Variants in FA2H observed in about 807,000 individuals in gnomAD.
FA2H encodes fatty acid 2-hydroxylase.
A neutral mutation model predicts 44.9 loss-of-function variants in FA2H; 22 were observed. That is an observed-to-expected ratio of 0.49 (90% CI 0.35 to 0.70). The LOEUF (loss-of-function observed/expected upper bound fraction) is 0.70, where lower values mean the gene tolerates loss of function less well. Among genes scored for constraint, FA2H ranks in the 30% least tolerant of loss-of-function variants. FA2H has a pLI of 0.01. For synonymous variants in FA2H, 243 were observed against 213.2 expected (o/e 1.14, Z -1.22); for missense variants, 501 against 504.9 (o/e 0.99, Z 0.07).
intron 5 of FA2H, 21 bp from the exon 6 acceptor site, chr16:74,716,620 G>A: frequency 1.3e-6 from 2 of 1,535,018 alleles, no homozygotes; most frequent in Non-Finnish European, 1.8e-6. Context: ...AGAGGCTTGG[G>A]CATCAGGAGG....
intron 1 of FA2H, among the ~76,000 whole-genome samples, chr16:74,763,040 C>T (rs1962741908): frequency 6.6e-6 from 1 of 152,176 alleles, no homozygotes; most frequent in Non-Finnish European, 1.5e-5. Context: ...AACACAGGAT[C>T]ATGGAAGCTG....
At chr16:74,764,753 T>G (rs189792293) in intron 1 of FA2H, among the ~76,000 whole-genome samples, 2 of 151,510 alleles carry the variant, frequency 1.3e-5, no homozygotes, top group Admixed American at 1.3e-4. Context: ...TAGGAGCAAT[T>G]AGAGAAGATT....
At position 74,726,179 on chromosome 16, in the gene FA2H, T is replaced by C. The variant is rs373472945; in HGVS notation, c.613+46A>G. ...GGCCAGGGAAAGCACTGAGGTCTCCTCCCTCTAGGATCCTCAGGGCAAGTC... is the reference window on the plus strand; with the variant it reads ...GGCCAGGGAAAGCACTGAGGTCTCCCCCCTCTAGGATCCTCAGGGCAAGTC... On this transcript the variant is annotated intron_variant, in intron 4 of 6. Coordinates refer to ENST00000219368, the MANE Select transcript of FA2H (RefSeq NM_024306.5). 3.0e-5 allele frequency: 40 copies of C among 1,331,784 alleles called. 1 individual carries two copies. The highest frequency in any genetic ancestry group is 1.8e-4 in the East Asian group (8 of 43,376). The allele number at this position is 1,331,784 out of a possible 1,614,324, so 82.5% of individuals were successfully genotyped here. A position where few individuals can be genotyped will look rare whatever the true frequency, so the allele number is the denominator to read the frequency against.
chr16:74,740,623 T>TAATAATAAC (rs1962276107), intron 1 of FA2H, among the ~76,000 whole-genome samples: 1 of 29,348 alleles, frequency 3.4e-5, no homozygotes, highest in South Asian at 1.4e-3. Flanking sequence ...CATCTCAAAA[T>TAATAATAAC]AATAATAATA....
At chr16:74,724,449 T>C (rs1961906821) in intron 4 of FA2H, among the ~76,000 whole-genome samples, 2 of 152,218 alleles carry the variant, frequency 1.3e-5, no homozygotes, top group African/African-American at 4.8e-5. Flanking sequence ...CATCTAGGAA[T>C]GTCAGCCTTG....
intron 6 of FA2H, 119 bp downstream of exon 6, chr16:74,716,228 C>T (rs1270015397): frequency 8.6e-7 from 1 of 1,158,532 alleles, no homozygotes; most frequent in Non-Finnish European, 1.2e-6. Context: ...GTAGAGGGAA[C>T]CCTCTGTATA....
At chr16:74,753,697 C>T (rs958875168) in intron 1 of FA2H, among the ~76,000 whole-genome samples, 3 of 152,020 alleles carry the variant, frequency 2.0e-5, no homozygotes, top group African/African-American at 7.3e-5. Flanking sequence ...ACCCCATAAG[C>T]ACTGCCTGCC....
chr16:74,754,989 T>G (rs530842097), intron 1 of FA2H, among the ~76,000 whole-genome samples: 1 of 151,970 alleles, frequency 6.6e-6, no homozygotes. Flanking sequence ...GAGGCAGAGA[T>G]GGAAGCGATA....
intron 2 of FA2H, among the ~76,000 whole-genome samples, chr16:74,733,831 C>T (rs1001002181): frequency 3.9e-5 from 6 of 152,306 alleles, no homozygotes; most frequent in South Asian, 4.1e-4. Flanking sequence ...CCCCGTCCCC[C>T]GCCTGCCCCC....
chr16:74,749,314 A>C (rs1224419638), intron 1 of FA2H, among the ~76,000 whole-genome samples: 2 of 152,202 alleles, frequency 1.3e-5, no homozygotes, highest in South Asian at 4.1e-4. Context: ...GTGGCCTAAG[A>C]AACCATATCT....
rs565757665 is a variant in FA2H at position 74,726,252 on chromosome 16, C to A, written c.586G>T (p.Val196Phe). ...SYYRTFAQGN[V>F]RLFTSFTTEY... ...GTTGTAAATGACGTGAAGAGTCGGA[C>A]GTTGCCCTGGGCAAAGGTTCGGTAG... is the stretch of plus-strand genomic sequence containing the variant. The change falls in exon 4 of 7, where the codon GTC (valine) becomes TTC (phenylalanine). Residue 196 changes from valine to phenylalanine, a missense_variant. Physicochemically the swap from Val to Phe is conservative, Grantham distance 50. Coordinates refer to ENST00000219368, the MANE Select transcript of FA2H (RefSeq NM_024306.5). 1 of 1,613,838 alleles carries A rather than the reference C, an allele frequency of 6.2e-7. No homozygotes were observed. Among genetic ancestry groups the A allele is most frequent in the Admixed American group, 1.7e-5 (1 of 60,022 alleles).
intron 4 of FA2H, among the ~76,000 whole-genome samples, chr16:74,722,072 C>T (rs1225588537): frequency 6.6e-6 from 1 of 152,200 alleles, no homozygotes; most frequent in African/African-American, 2.4e-5. Flanking sequence ...GCCAGGCTCC[C>T]CCTGCTCGGC....
Position 74,760,612 on chromosome 16 carries a change from A to G in FA2H, c.270+13874T>C, listed in dbSNP as rs373189533. ...TGCCTGCTCCCCCCAGGAAATCCCCATCACATGAGTATACTCATTGCCTCA... is the reference window on the plus strand; with the variant it reads ...TGCCTGCTCCCCCCAGGAAATCCCCGTCACATGAGTATACTCATTGCCTCA... On this transcript the variant is annotated intron_variant, in intron 1 of 6. Transcript: ENST00000219368. Among the ~76,000 whole-genome samples, 22 of 152,288 alleles carry G rather than the reference A, an allele frequency of 1.4e-4. No homozygotes were observed. The East Asian group carries it at 2.9e-3, about 20-fold the overall frequency.
At chr16:74,740,530 G>A (rs1332526362) in intron 1 of FA2H, among the ~76,000 whole-genome samples, 1 of 151,360 alleles carries the variant, frequency 6.6e-6, no homozygotes, top group Non-Finnish European at 1.5e-5. Context: ...TGAGGCAGAA[G>A]AATCGCTTGA....
At chr16:74,740,190 A>G (rs568763927) in intron 1 of FA2H, 75 bp from the exon 2 acceptor site, 4 of 1,219,690 alleles carry the variant, frequency 3.3e-6, no homozygotes, top group Non-Finnish European at 4.9e-6. Context: ...TGCCCCGAGA[A>G]GAGGCAGCCA....
rs1384590559 is a variant in FA2H at position 74,714,289 on chromosome 16, G to A, written c.1040-20C>T. The A allele has an allele frequency of 4.0e-6, 6 of 1,496,020 alleles. No individual in the cohort carries two copies. The highest frequency in any genetic ancestry group is 2.4e-5 in the South Asian group (2 of 82,896). 92.7% of individuals were successfully genotyped at this position (1,496,020 alleles called of 1,614,324 possible). ...CAAATCCTAGAGAGGGAGACAAACG[G>A]GGAGAAGATGAGGCATTGAAGGAGC... On this transcript the variant is annotated intron_variant, in intron 6 of 6. Transcript: ENST00000219368.
intron 1 of FA2H, among the ~76,000 whole-genome samples, chr16:74,747,689 G>A (rs1291897104): frequency 6.6e-6 from 1 of 152,106 alleles, no homozygotes; most frequent in Non-Finnish European, 1.5e-5. Context: ...GCAGCTGGCA[G>A]CCCCCAGCAG....
chr16:74,726,198 G>C (rs372793467), intron 4 of FA2H, 27 bp downstream of exon 4: 2 of 1,515,670 alleles, frequency 1.3e-6, no homozygotes, highest in South Asian at 2.3e-5. Flanking sequence ...GATCCTCAGG[G>C]CAAGTCAGGA....
intron 1 of FA2H, among the ~76,000 whole-genome samples, chr16:74,740,750 G>C (rs1469071288): frequency 6.6e-6 from 1 of 152,116 alleles, no homozygotes; most frequent in Non-Finnish European, 1.5e-5. Flanking sequence ...AAAGAAGCTT[G>C]CTTAGTGGGA....
Sources: allele counts gnomAD v4.1 joint callset (sites outside exome capture counted in the v4.1 genomes callset), GRCh38; gene constraint gnomAD v4.1.1; transcripts MANE v1.5; gene names NCBI Gene and HGNC (gene_info 2026-07-23, HGNC 2026-07-21).